The following SKAP2 variants were observed in gnomAD, a reference collection of about 807,000 sequenced individuals.
SKAP2 encodes the protein src kinase associated phosphoprotein 2, also known as src kinase-associated phosphoprotein 2.
A neutral mutation model predicts 54.9 loss-of-function variants in SKAP2; 28 were observed. That is an observed-to-expected ratio of 0.51 (90% CI 0.38 to 0.70). SKAP2 has a LOEUF of 0.70. Among genes scored for constraint, SKAP2 ranks in the 30% least tolerant of loss-of-function variants. SKAP2 has a pLI of 0.00. For synonymous variants in SKAP2, 137 were observed against 134.3 expected, an observed-to-expected ratio of 1.02 and a Z score of -0.14; for missense variants, 356 against 424.1, an observed-to-expected ratio of 0.84 and a Z score of 1.41.
chr7:26,733,046 G>A (rs796116611), intron 6 of SKAP2, among the ~76,000 whole-genome samples: 5 of 151,972 alleles, frequency 3.3e-5, no homozygotes, highest in Admixed American at 1.3e-4. Context: ...CAGAAGAATC[G>A]CTTGAACCCG....
chr7:26,700,771 T>C (rs1787002770), intron 9 of SKAP2, among the ~76,000 whole-genome samples: 1 of 152,194 alleles, frequency 6.6e-6, no homozygotes, highest in Non-Finnish European at 1.5e-5. Flanking sequence ...GGAACCCAAC[T>C]TGAGACACTT....
intron 9 of SKAP2, among the ~76,000 whole-genome samples, chr7:26,714,291 T>C (rs907910051): frequency 2.0e-5 from 3 of 152,172 alleles, no homozygotes; most frequent in Non-Finnish European, 4.4e-5. Flanking sequence ...TGAATGTCCT[T>C]ATTATATATA....
chr7:26,681,501 A>C (rs1183381856), intron 11 of SKAP2, among the ~76,000 whole-genome samples: 1 of 152,186 alleles, frequency 6.6e-6, no homozygotes, highest in Non-Finnish European at 1.5e-5. Context: ...AATGCATGGG[A>C]TTTTATTTCT....
In SKAP2 at chr7:26,857,310, TAAAAAAAAAA is replaced by T. The variant is rs59046895; in HGVS notation, c.68-2430_68-2421del. ...TGGAGAGAGTAGAAACTGCTTTGCT[TAAAAAAAAAA>T]AAAAAAAAAAAAAAACTTTAAACTG... is the stretch of plus-strand genomic sequence containing the variant. On this transcript the variant is annotated intron_variant, in intron 1 of 12. Transcript: ENST00000345317. 641 of 91,244 alleles carry T rather than the reference TAAAAAAAAAA, an allele frequency of 7.0e-3. 13 individuals carry two copies. Among genetic ancestry groups the T allele is most frequent in the African/African-American group, 0.029 (602 of 20,766 alleles). 5.7% of individuals were successfully genotyped at this position (91,244 alleles called of 1,614,324 possible). A position where few individuals can be genotyped will look rare whatever the true frequency, so the allele number is the denominator to read the frequency against.
intron 9 of SKAP2, among the ~76,000 whole-genome samples, chr7:26,723,296 G>A (rs571091115): frequency 3.3e-5 from 5 of 152,228 alleles, no homozygotes; most frequent in African/African-American, 4.8e-5. Flanking sequence ...TTGCTGAACC[G>A]TGCAGATGTT....
intron 4 of SKAP2, among the ~76,000 whole-genome samples, chr7:26,804,713 T>C (rs537114086): frequency 3.1e-4 from 44 of 142,680 alleles, no homozygotes; most frequent in African/African-American, 1.1e-3. Context: ...CACTCCAGCC[T>C]GGGTGACAGA....
chr7:26,819,466 T>C (rs531166032), intron 4 of SKAP2, among the ~76,000 whole-genome samples: 3 of 152,086 alleles, frequency 2.0e-5, no homozygotes, highest in Admixed American at 6.6e-5. Context: ...AAATACCTAA[T>C]GTAGATGACG....
intron 4 of SKAP2, among the ~76,000 whole-genome samples, chr7:26,769,471 C>T (rs1482119199): frequency 3.9e-5 from 6 of 152,200 alleles, no homozygotes; most frequent in Non-Finnish European, 7.3e-5. Flanking sequence ...TCATCAAACT[C>T]ACTCTCCATC....
chr7:26,767,722 A>C (rs958153003), intron 4 of SKAP2, among the ~76,000 whole-genome samples: 10 of 152,208 alleles, frequency 6.6e-5, no homozygotes, highest in African/African-American at 2.4e-4. Flanking sequence ...TTATTTACCC[A>C]GTAGTCATTC....
intron 4 of SKAP2, among the ~76,000 whole-genome samples, chr7:26,793,989 A>T (rs1336874873): frequency 6.6e-6 from 1 of 152,200 alleles, no homozygotes; most frequent in Admixed American, 6.5e-5. Flanking sequence ...AAGTATCTAC[A>T]GAAATTCTGA....
At chr7:26,660,706 GT>G in the SKAP2 span, among the ~76,000 whole-genome samples, 1 of 152,000 alleles carries the variant, frequency 6.6e-6, no homozygotes, top group Non-Finnish European at 1.5e-5. Flanking sequence ...AAAAGTAATA[GT>G]TTCCCAGCTT....
intron 10 of SKAP2, among the ~76,000 whole-genome samples, chr7:26,685,810 CATG>C (rs1303407287): frequency 1.3e-5 from 2 of 152,146 alleles, no homozygotes; most frequent in South Asian, 2.1e-4. Context: ...TTTTCAATTT[CATG>C]ATAATTGAGT....
chr7:26,854,333 A>T (rs1785113851), intron 2 of SKAP2, among the ~76,000 whole-genome samples, 171 bp from the exon 3 acceptor site: 1 of 152,092 alleles, frequency 6.6e-6, no homozygotes, highest in Non-Finnish European at 1.5e-5. Context: ...TAAAAATTTT[A>T]AATAAAATAA....
chr7:26,850,579 C>G (rs1433657909), intron 3 of SKAP2, among the ~76,000 whole-genome samples: 1 of 146,458 alleles, frequency 6.8e-6, no homozygotes, highest in African/African-American at 2.5e-5. Flanking sequence ...GAGTGAGATC[C>G]TATCTCAAAA....
At chr7:26,709,857 T>A (rs1156340965) in intron 9 of SKAP2, among the ~76,000 whole-genome samples, 1 of 152,170 alleles carries the variant, frequency 6.6e-6, no homozygotes, top group Non-Finnish European at 1.5e-5. Context: ...AGATGATTTA[T>A]CTTTAATGGC....
intron 4 of SKAP2, among the ~76,000 whole-genome samples, chr7:26,813,113 AT>A (rs994083588): frequency 2.0e-5 from 3 of 152,174 alleles, no homozygotes; most frequent in African/African-American, 7.2e-5. Flanking sequence ...ACTAACTTCA[AT>A]TTTTTTAAAA....
At chr7:26,807,303 C>T (rs553513255) in intron 4 of SKAP2, among the ~76,000 whole-genome samples, 2 of 152,256 alleles carry the variant, frequency 1.3e-5, no homozygotes, top group African/African-American at 2.4e-5. Flanking sequence ...ATAATCCTCA[C>T]GTGTCCAGGG....
rs571554159 is a variant in SKAP2, at chr7:26,842,972, C to A, written c.307+1058G>T. 2.0e-5 allele frequency among the ~76,000 whole-genome samples: 3 copies of A among 152,106 alleles called. No individual in the cohort carries two copies. In the East Asian group the frequency reaches 5.8e-4, roughly 29 times the overall value. On this transcript the variant is annotated intron_variant, in intron 4 of 12. Coordinates refer to ENST00000345317, the MANE Select transcript of SKAP2 (RefSeq NM_003930.5). ...AATAGATATGACTATTATTGCTACA[C>A]TTTGTACAAAGTTCTGGATATAAAA...
chr7:26,716,099 T>C (rs1297024265), intron 9 of SKAP2, among the ~76,000 whole-genome samples: 1 of 152,230 alleles, frequency 6.6e-6, no homozygotes, highest in African/African-American at 2.4e-5. Flanking sequence ...CTATGTGTAC[T>C]GAATGAACAA....
Sources: allele counts gnomAD v4.1 joint callset (sites outside exome capture counted in the v4.1 genomes callset), GRCh38; gene constraint gnomAD v4.1.1; transcripts MANE v1.5; gene names NCBI Gene and HGNC (gene_info 2026-07-23, HGNC 2026-07-21).